NBEAL2: variants seen among roughly 807,000 people sequenced by gnomAD.
NBEAL2 encodes the protein neurobeachin like 2.
In NBEAL2, 160 loss-of-function variants were observed where a neutral mutation model predicts 299.8. That is an observed-to-expected ratio of 0.53 (90% CI 0.47 to 0.61). NBEAL2 has a LOEUF of 0.61. NBEAL2 is among the 20% of genes least tolerant of loss of function. The pLI, the probability that NBEAL2 is intolerant of heterozygous loss-of-function variation, is 0.00. For missense variants in NBEAL2, 3,112 were observed against 3,649.0 expected (o/e 0.85, Z 3.79); for synonymous variants, 1,493 against 1,542.3 (o/e 0.97, Z 0.75).
intron 49 of NBEAL2, 36 bp from the exon 50 acceptor site, chr3:47,008,033 CA>C (rs773305635): frequency 1.9e-6 from 3 of 1,606,744 alleles, no homozygotes; most frequent in Non-Finnish European, 2.6e-6. Context: ...TCCTGAGCCT[CA>C]GGGGACAGTC....
At chr3:46,998,422 C>T in intron 21 of NBEAL2, 41 bp from the exon 22 acceptor site, 2 of 1,581,170 alleles carry the variant, frequency 1.3e-6, no homozygotes, top group Non-Finnish European at 8.6e-7. Context: ...AAGGGCCCAG[C>T]TCAGCCTAGT....
Position 47,002,313 on chromosome 3 carries a change from AGAG to A in NBEAL2, c.5151+29_5151+31del, listed in dbSNP as rs573472904. 5.8e-4 allele frequency: 922 copies of A among 1,592,004 alleles called. 7 individuals are homozygous for A. In the South Asian group the frequency reaches 9.7e-3, roughly 17 times the overall value. On this transcript the variant is annotated intron_variant, in intron 31 of 53. Transcript: ENST00000450053. ...GGTGCCTGGAGGTTGGGGCCCAGGA[AGAG>A]GAGTGGGGGCTGGGGCCCACATCGA...
rs1279293175 is a variant in NBEAL2, at chr3:47,008,675, C to A, written c.8027+7C>A. 5.6e-6 allele frequency: 9 copies of A among 1,612,940 alleles called. No homozygotes were observed. The highest frequency in any genetic ancestry group is 7.6e-6 in the Non-Finnish European group (9 of 1,179,856). On this transcript the variant is annotated splice_region_variant and intron_variant, in intron 52 of 53. Coordinates refer to ENST00000450053, the MANE Select transcript of NBEAL2 (RefSeq NM_015175.3). ...ACATCCTCCAACTAAACACGTAAGC[C>A]CCCCATTTATGGGTTCATGGCCCCT...
In NBEAL2 at chr3:47,001,222, C is replaced by T. The variant is rs1204481710; in HGVS notation, c.4484+43C>T. ...GAGGGGGAGGGGCTTCAGGAAGCCT[C>T]GGGGGAAGGAGAGAAGATAGTCAGG... On this transcript the variant is annotated intron_variant, in intron 28 of 53. Transcript: ENST00000450053. This position sits in a 1 kb window ranked among gnomAD's most constrained non-coding sequence, Gnocchi z 6.1. The T allele has an allele frequency of 3.1e-6, 5 of 1,600,036 alleles. No homozygotes were observed. The highest frequency in any genetic ancestry group is 2.6e-6 in the Non-Finnish European group (3 of 1,170,494).
chr3:47,008,067 C>T lies in NBEAL2; in HGVS notation c.7603-3C>T. Reference sequence around the variant, plus strand: ...GTCCTAAGCCAACCCTGGTCCTCCACAGGGTGGTCTGTCAGTAGGCCTGGC... The same window carrying T: ...GTCCTAAGCCAACCCTGGTCCTCCATAGGGTGGTCTGTCAGTAGGCCTGGC... On this transcript the variant is annotated splice_region_variant and splice_polypyrimidine_tract_variant and intron_variant, in intron 49 of 53. Transcript: ENST00000450053. 2 of 1,613,876 alleles carry T rather than the reference C, an allele frequency of 1.2e-6. No individual in the cohort carries two copies. The highest frequency in any genetic ancestry group is 2.2e-5 in the East Asian group (1 of 44,882).
rs1462307822 is a variant in NBEAL2, at chr3:47,000,626, C to G, written c.4305+222C>G. Among the ~76,000 whole-genome samples, 1 of 152,164 alleles carries G rather than the reference C, an allele frequency of 6.6e-6. No homozygotes were observed. The highest frequency in any genetic ancestry group is 1.5e-5 in the Non-Finnish European group (1 of 68,028). On this transcript the variant is annotated intron_variant, in intron 27 of 53. Coordinates refer to ENST00000450053, the MANE Select transcript of NBEAL2 (RefSeq NM_015175.3). The surrounding 1 kb of genome is among the most constrained non-coding windows in gnomAD (Gnocchi z 4.5). ...CATGATGAGCCACAGTGGGTGACAC[C>G]AGCCAGGCTTCAGAAGGGCCCTCAA...
intron 15 of NBEAL2, 25 bp from the exon 16 acceptor site, chr3:46,996,246 C>T (rs777512804): frequency 6.9e-6 from 11 of 1,601,384 alleles, no homozygotes; most frequent in South Asian, 6.6e-5. Flanking sequence ...GTGACCTGAC[C>T]GCTCCCCCAA....
At chr3:46,998,046 C>G (rs1276726821) in intron 20 of NBEAL2, 21 bp from the exon 21 acceptor site, 2 of 1,551,152 alleles carry the variant, frequency 1.3e-6, no homozygotes, top group South Asian at 1.2e-5. Context: ...AGCCCTCACT[C>G]CAGCTCCTGT....
In NBEAL2 at chr3:46,994,759, G is replaced by C. The variant is rs544456695; in HGVS notation, c.1296+206G>C. On this transcript the variant is annotated intron_variant, in intron 12 of 53. Coordinates refer to ENST00000450053, the MANE Select transcript of NBEAL2 (RefSeq NM_015175.3). ...CCTGGAAGCAACTGCATGTGAGCAA[G>C]CCCCAGGATTATCTTAGGAACATGC... Among the ~76,000 whole-genome samples, 48 of 152,336 alleles carry C rather than the reference G, an allele frequency of 3.2e-4. No homozygotes were observed. The South Asian group carries it at 9.7e-3, about 31-fold the overall frequency.
Position 46,991,150 on chromosome 3 carries a change from T to TG in NBEAL2, c.557-68dup, listed in dbSNP as rs966484718. 1.4e-6 allele frequency: 2 copies of TG among 1,387,894 alleles called. No individual in the cohort carries two copies. The highest frequency in any genetic ancestry group is 2.9e-5 in the African/African-American group (2 of 69,508). The allele number at this position is 1,387,894 out of a possible 1,614,324, so 86.0% of individuals were successfully genotyped here. A position where few individuals can be genotyped will look rare whatever the true frequency, so the allele number is the denominator to read the frequency against. On this transcript the variant is annotated intron_variant, in intron 6 of 53. Transcript: ENST00000450053. This position sits in a 1 kb window ranked among gnomAD's most constrained non-coding sequence, Gnocchi z 6.2. ...CCTCCACCCCAGGGCACTCACCTCTTGTGCAGCCCCCTGGGTCCATAGCCC... is the reference window on the plus strand; with the variant it reads ...CCTCCACCCCAGGGCACTCACCTCTTGGTGCAGCCCCCTGGGTCCATAGCCC...
Position 47,003,143 on chromosome 3 carries a change from G to C in NBEAL2, c.5585-31G>C, listed in dbSNP as rs1401310034. 2 of 1,607,890 alleles carry C rather than the reference G, an allele frequency of 1.2e-6. No individual in the cohort carries two copies. Among genetic ancestry groups the C allele is most frequent in the African/African-American group, 1.3e-5 (1 of 74,822 alleles). On this transcript the variant is annotated intron_variant, in intron 34 of 53. Coordinates refer to ENST00000450053, the MANE Select transcript of NBEAL2 (RefSeq NM_015175.3). The surrounding 1 kb of genome is among the most constrained non-coding windows in gnomAD (Gnocchi z 7.0). ...ATTGTCCCGTCTCCTGTCCTGCCTT[G>C]CTTCTGCTGAGTACCCTTGGCCCCT...
Position 47,002,097 on chromosome 3 carries a change from G to C in NBEAL2, c.4960G>C (p.Ala1654Pro), listed in dbSNP as rs901231961. ...AGGGTCCCCACTTGCAGCTGCAGCA[G>C]CTGCAGCAGCTGCAGAGCGCTGCTC... ...EAGSPLAAAA[A>P]AAAAERCSWL... The change falls in exon 31 of 54, where the codon GCT becomes CCT. Residue 1654 changes from alanine (A) to proline (P), a missense_variant. Coordinates refer to ENST00000450053, the MANE Select transcript of NBEAL2 (RefSeq NM_015175.3). The C allele has an allele frequency of 1.9e-6, 3 of 1,550,710 alleles. No individual in the cohort carries two copies. Among genetic ancestry groups the C allele is most frequent in the African/African-American group, 1.4e-5 (1 of 73,066 alleles).
At position 46,995,537 on chromosome 3, in the gene NBEAL2, C is replaced by T; in HGVS notation, c.1802C>T (p.Pro601Leu). Reference protein sequence around the residue: ...MVPPVQRWPGPGFTFHAWLCL... With the variant: ...MVPPVQRWPGLGFTFHAWLCL... ...CCCCCTGTACAGCGATGGCCAGGGCCTGGCTTCACCTTTCATGCCTGGCTC... is the reference window on the plus strand; with the variant it reads ...CCCCCTGTACAGCGATGGCCAGGGCTTGGCTTCACCTTTCATGCCTGGCTC... Residue 601 changes from proline to leucine, a missense_variant, in exon 13 of 54, where the codon CCT (proline) becomes CTT (leucine). By Grantham distance (98) the Pro-to-Leu change is moderately conservative. Coordinates refer to ENST00000450053, the MANE Select transcript of NBEAL2 (RefSeq NM_015175.3). The T allele has an allele frequency of 6.2e-7, 1 of 1,612,868 alleles. No individual in the cohort carries two copies. The highest frequency in any genetic ancestry group is 8.5e-7 in the Non-Finnish European group (1 of 1,179,892).
Position 46,995,133 on chromosome 3 carries a change from G to C in NBEAL2, c.1398G>C (p.Glu466Asp), listed in dbSNP as rs1265316486. Reference protein sequence around the residue: ...AQWLPSLPTAELRLFLAQRLR... With the variant: ...AQWLPSLPTADLRLFLAQRLR... ...GGCTGCCGTCATTGCCCACCGCTGA[G>C]CTGCGGCTCTTCCTAGCGCAACGCC... The change falls in exon 13 of 54, where the codon GAG becomes GAC. Residue 466 changes from glutamate (E) to aspartate (D), a missense_variant. Glu to Asp is a conservative substitution (Grantham distance 45). Coordinates refer to ENST00000450053, the MANE Select transcript of NBEAL2 (RefSeq NM_015175.3). The C allele has an allele frequency of 6.3e-7, 1 of 1,575,474 alleles. No individual in the cohort carries two copies. The highest frequency in any genetic ancestry group is 8.6e-7 in the Non-Finnish European group (1 of 1,160,972).
rs778587914 is a variant in NBEAL2, at chr3:46,992,556, G to A, written c.1113+1G>A. 4.4e-6 allele frequency: 7 copies of A among 1,593,632 alleles called. No individual in the cohort carries two copies. Among genetic ancestry groups the A allele is most frequent in the Admixed American group, 1.7e-5 (1 of 57,468 alleles). On this transcript the variant is annotated splice_donor_variant, in intron 10 of 53. Coordinates refer to ENST00000450053, the MANE Select transcript of NBEAL2 (RefSeq NM_015175.3). LOFTEE classifies it high-confidence loss of function. ...ACTGACTGAGCCCGATGTCCAAAAGGTACCATCCTGGGGCTGACCAGCTCA... is the reference window on the plus strand; with the variant it reads ...ACTGACTGAGCCCGATGTCCAAAAGATACCATCCTGGGGCTGACCAGCTCA...
At chr3:46,986,250 C>G (rs562239159) in intron 1 of NBEAL2, among the ~76,000 whole-genome samples, 3 of 152,260 alleles carry the variant, frequency 2.0e-5, no homozygotes, top group East Asian at 3.9e-4. Context: ...GTTCTAGGGA[C>G]AGAAAGTACT....
intron 9 of NBEAL2, 57 bp downstream of exon 9, chr3:46,992,003 C>T (rs893583968): frequency 6.4e-6 from 9 of 1,410,232 alleles, no homozygotes; most frequent in East Asian, 4.9e-5. Flanking sequence ...AGGGGAGCCA[C>T]GCATAGGTGC....
At chr3:46,996,613 C>A in intron 16 of NBEAL2, 21 bp downstream of exon 16, 1 of 1,511,578 alleles carries the variant, frequency 6.6e-7, no homozygotes, top group East Asian at 2.3e-5. Context: ...TTCTCCATCT[C>A]TGCCACAGCC....
rs375033318 is a variant in NBEAL2 at position 46,994,520 on chromosome 3, C to G, written c.1263C>G (p.Pro421=). The G allele has an allele frequency of 5.7e-6, 9 of 1,591,392 alleles. No individual in the cohort carries two copies. The highest frequency in any genetic ancestry group is 5.4e-5 in the African/African-American group (4 of 74,550). Residue 421 remains proline (P), a synonymous_variant, in exon 12 of 54, where the codon CCC becomes CCG. Coordinates refer to ENST00000450053, the MANE Select transcript of NBEAL2 (RefSeq NM_015175.3). ...LQEVLQSHGP[P]THRLLQELLN... ...AGGTTCTGCAGAGCCATGGTCCCCCCACCCATCGGCTGTTGCAAGAGCTGC... is the reference window on the plus strand; with the variant it reads ...AGGTTCTGCAGAGCCATGGTCCCCCGACCCATCGGCTGTTGCAAGAGCTGC...
Sources: gnomAD v4.1 joint callset for allele counts (sites outside exome capture counted in the v4.1 genomes callset) on GRCh38, gnomAD v4.1.1 for gene constraint, Gnocchi (gnomAD v3.1) non-coding constraint, MANE v1.5 for transcripts, NCBI Gene and HGNC (gene_info 2026-07-23, HGNC 2026-07-21) for gene names.